Variants in GLCCI1 observed in about 807,000 individuals in gnomAD.
The protein encoded by GLCCI1 is glucocorticoid-induced transcript 1 protein.
GLCCI1 carries 24 observed loss-of-function variants against 52.2 expected under a neutral mutation model. The observed-to-expected ratio is 0.46, with a 90% CI of 0.33 to 0.65. The LOEUF is 0.65. Among genes scored for constraint, GLCCI1 ranks in the 30% least tolerant of loss-of-function variants. GLCCI1 has a pLI of 0.02. For missense variants in GLCCI1, 704 were observed against 701.5 expected (o/e 1.00, Z -0.04); for synonymous variants, 310 against 276.5 (o/e 1.12, Z -1.20).
At chr7:8,056,211 T>C (rs994028415) in intron 4 of GLCCI1, among the ~76,000 whole-genome samples, 1 of 151,908 alleles carries the variant, frequency 6.6e-6, no homozygotes, top group Non-Finnish European at 1.5e-5. Flanking sequence ...GGCAGGAGAC[T>C]CACTTGAACC....
In GLCCI1 at chr7:8,084,377, TAGAA is replaced by T. The variant is rs947882620; in HGVS notation, c.1178-516_1178-513del. Among the ~76,000 whole-genome samples, 44 of 152,326 alleles carry T rather than the reference TAGAA, an allele frequency of 2.9e-4. 1 individual carries two copies. The highest frequency in any genetic ancestry group is 2.2e-3 in the Admixed American group (33 of 15,298). On this transcript the variant is annotated intron_variant, in intron 6 of 7. Transcript: ENST00000223145. ...CAAATTGTTTTTTATGTTGGGTAGGTAGAAAGAGACATTTTATAAACTTGTTTTT... is the reference window on the plus strand; with the variant it reads ...CAAATTGTTTTTTATGTTGGGTAGGTAGAGACATTTTATAAACTTGTTTTT...
chr7:8,042,194 C>T (rs1782016480), intron 3 of GLCCI1, among the ~76,000 whole-genome samples: 1 of 152,154 alleles, frequency 6.6e-6, no homozygotes, highest in Non-Finnish European at 1.5e-5. Flanking sequence ...AACACAACAT[C>T]CATTCTGCAG....
intron 6 of GLCCI1, among the ~76,000 whole-genome samples, chr7:8,074,172 A>C (rs1782825010): frequency 6.6e-6 from 1 of 152,204 alleles, no homozygotes; most frequent in South Asian, 2.1e-4. Context: ...AATATGTGAT[A>C]TCTGTCTTTA....
Position 8,086,290 on chromosome 7 carries a change from C to G in GLCCI1, c.1396C>G (p.Leu466Val), listed in dbSNP as rs1474185663. The change falls in exon 8 of 8, where the codon CTA (leucine) becomes GTA (valine). Residue 466 changes from leucine (L) to valine (V), a missense_variant. Around this residue, in one of 3 missense-constraint regions of GLCCI1, gnomAD observed 149 missense variants for 152.9 expected, o/e 0.97. Transcript: ENST00000223145. The surrounding 1 kb of genome is among the most constrained non-coding windows in gnomAD (Gnocchi z 4.4). ...TGSAFCPVKL[L>V]GPLLPASDLM... ...ATCAGCTTTCTGTCCTGTAAAACTTCTAGGCCCCCTCTTACCTGCTTCTGA... is the reference window on the plus strand; with the variant it reads ...ATCAGCTTTCTGTCCTGTAAAACTTGTAGGCCCCCTCTTACCTGCTTCTGA... The G allele has an allele frequency of 1.9e-6, 3 of 1,614,162 alleles. No homozygotes were observed. Among genetic ancestry groups the G allele is most frequent in the Non-Finnish European group, 2.5e-6 (3 of 1,180,016 alleles).
chr7:7,984,799 C>A (rs1780690278), intron 1 of GLCCI1, among the ~76,000 whole-genome samples: 1 of 152,160 alleles, frequency 6.6e-6, no homozygotes, highest in Non-Finnish European at 1.5e-5. Flanking sequence ...CTTTTCCATT[C>A]CCTTTCTGTC....
intron 2 of GLCCI1, among the ~76,000 whole-genome samples, chr7:8,010,782 A>C (rs1250951366): frequency 2.0e-5 from 3 of 152,110 alleles, no homozygotes; most frequent in African/African-American, 4.8e-5. Context: ...TATTTTGAGA[A>C]ATTTTCTGTA....
At chr7:7,976,749 G>T (rs956769749) in intron 1 of GLCCI1, among the ~76,000 whole-genome samples, 2 of 151,336 alleles carry the variant, frequency 1.3e-5, no homozygotes, top group Non-Finnish European at 2.9e-5. Context: ...TTGCCTCTGC[G>T]CAAAATATAA....
Position 8,055,481 on chromosome 7 carries a change from C to T in GLCCI1, c.745C>T (p.Arg249Cys), listed in dbSNP as rs1018867033. ...QQLQRSKQSS[R>C]HSKEKDRQSP... is the part of the protein sequence containing the mutation. ...ACTACAACGCAGTAAACAGAGTAGT[C>T]GTCACAGTAAGGAGAAAGATCGCCA... Residue 249 changes from arginine to cysteine, a missense_variant, in exon 4 of 8, where the codon CGT becomes TGT. Around this residue, in one of 3 missense-constraint regions of GLCCI1, gnomAD observed 547 missense variants for 524.8 expected, o/e 1.04. Coordinates refer to ENST00000223145, the MANE Select transcript of GLCCI1 (RefSeq NM_138426.4). 16 of 1,613,878 alleles carry T rather than the reference C, an allele frequency of 9.9e-6. No homozygotes were observed. The highest frequency in any genetic ancestry group is 1.4e-5 in the Non-Finnish European group (16 of 1,179,900).
intron 2 of GLCCI1, among the ~76,000 whole-genome samples, chr7:8,011,487 A>T (rs933655143): frequency 3.3e-5 from 5 of 152,148 alleles, no homozygotes; most frequent in African/African-American, 1.2e-4. Flanking sequence ...CTTCCTTTTT[A>T]AAGCAGAATA....
intron 2 of GLCCI1, among the ~76,000 whole-genome samples, chr7:8,022,208 C>T (rs967059128): frequency 5.9e-5 from 9 of 151,934 alleles, no homozygotes; most frequent in African/African-American, 2.2e-4. Context: ...TTTACTATTC[C>T]CTTTGAATTT....
chr7:7,998,475 C>G (rs536731323), intron 1 of GLCCI1, among the ~76,000 whole-genome samples: 1 of 152,324 alleles, frequency 6.6e-6, no homozygotes, highest in African/African-American at 2.4e-5. Flanking sequence ...CTCGGCCTCC[C>G]AGAGTGCTGG....
intron 2 of GLCCI1, among the ~76,000 whole-genome samples, chr7:8,015,719 A>G (rs1179167955): frequency 1.3e-5 from 2 of 152,232 alleles, no homozygotes; most frequent in African/African-American, 4.8e-5. Context: ...CATAACTAAA[A>G]TATTTAACAT....
chr7:8,004,514 C>G (rs948388048), intron 2 of GLCCI1, among the ~76,000 whole-genome samples: 10 of 152,096 alleles, frequency 6.6e-5, no homozygotes, highest in African/African-American at 2.2e-4. Flanking sequence ...AATTAACTGT[C>G]TCATTTTCCC....
In GLCCI1 at chr7:8,060,291, T is replaced by A. The variant is rs559191639; in HGVS notation, c.966+43T>A. On this transcript the variant is annotated intron_variant, in intron 5 of 7. Transcript: ENST00000223145. ...ATTTGAATCCTTTTTTTCTCTGATA[T>A]AACGAACTGTCTGAAAAGTACTTTC... 17 of 1,495,768 alleles carry A rather than the reference T, an allele frequency of 1.1e-5. No individual in the cohort carries two copies. The East Asian group carries it at 3.4e-4, about 30-fold the overall frequency. 92.7% of individuals were successfully genotyped at this position (1,495,768 alleles called of 1,614,324 possible).
intron 5 of GLCCI1, among the ~76,000 whole-genome samples, chr7:8,061,357 C>T (rs1436933058): frequency 1.3e-5 from 2 of 152,150 alleles, no homozygotes; most frequent in Non-Finnish European, 2.9e-5. Context: ...ACCTCGGCCT[C>T]CCAAAGTGCT....
At chr7:8,019,207 T>C (rs1781433556) in intron 2 of GLCCI1, among the ~76,000 whole-genome samples, 1 of 152,240 alleles carries the variant, frequency 6.6e-6, no homozygotes, top group Non-Finnish European at 1.5e-5. Flanking sequence ...GGAAATGTTC[T>C]ATATTTGTGT....
intron 2 of GLCCI1, among the ~76,000 whole-genome samples, chr7:8,007,759 C>G (rs1270123745): frequency 6.7e-6 from 1 of 149,654 alleles, no homozygotes; most frequent in Non-Finnish European, 1.5e-5. Context: ...GGGTGTTCTT[C>G]CTTTTATATT....
intron 6 of GLCCI1, among the ~76,000 whole-genome samples, chr7:8,075,563 A>G (rs138426924): frequency 6.6e-6 from 1 of 152,360 alleles, no homozygotes; most frequent in East Asian, 1.9e-4. Flanking sequence ...TAGTTTCTTA[A>G]GCAGCTCTGC....
intron 1 of GLCCI1, among the ~76,000 whole-genome samples, chr7:7,976,049 G>A (rs1446800513): frequency 6.6e-6 from 1 of 152,192 alleles, no homozygotes; most frequent in Non-Finnish European, 1.5e-5. Flanking sequence ...CTGGCACTAG[G>A]TTGATTCAGC....
Sources: allele counts gnomAD v4.1 joint callset (sites outside exome capture counted in the v4.1 genomes callset), GRCh38; gene constraint gnomAD v4.1.1; regional missense constraint gnomAD v4.1.1; non-coding constraint Gnocchi (gnomAD v3.1); transcripts MANE v1.5; gene names NCBI Gene and HGNC (gene_info 2026-07-23, HGNC 2026-07-21).